The following SCHIP1 variants were observed in gnomAD, a reference collection of about 807,000 sequenced individuals.
SCHIP1 encodes the protein schwannomin-interacting protein 1.
In SCHIP1, 8 loss-of-function variants were observed where a neutral mutation model predicts 29.7. That is an observed-to-expected ratio of 0.27 (90% CI 0.16 to 0.49). The LOEUF (loss-of-function observed/expected upper bound fraction) is 0.49. Ranked by LOEUF, SCHIP1 falls within the 20% of genes least tolerant of loss-of-function variation. SCHIP1 has a pLI of 0.99. For missense variants in SCHIP1, 193 were observed against 294.6 expected (o/e 0.66, Z 2.52); for synonymous variants, 76 against 94.9 (o/e 0.80, Z 1.16).
chr3:159,415,938 G>A, the SCHIP1 span, among the ~76,000 whole-genome samples: 1 of 152,126 alleles, frequency 6.6e-6, no homozygotes, highest in Non-Finnish European at 1.5e-5. Context: ...ACATGCCGAA[G>A]ATCTACTTTT....
the SCHIP1 span, among the ~76,000 whole-genome samples, chr3:159,827,240 G>A: frequency 1.2e-4 from 19 of 152,078 alleles, no homozygotes; most frequent in African/African-American, 3.4e-4. Context: ...TGCTTAACTC[G>A]CCCTAGAAAA....
chr3:159,396,429 AT>A, the SCHIP1 span, among the ~76,000 whole-genome samples: 1 of 146,794 alleles, frequency 6.8e-6, no homozygotes, highest in Non-Finnish European at 1.5e-5. Context: ...TGGTCTTTAC[AT>A]TTTGGCATGA....
the SCHIP1 span, among the ~76,000 whole-genome samples, chr3:159,334,290 G>A: frequency 6.6e-6 from 1 of 152,152 alleles, no homozygotes. Context: ...ACAAGGGAGA[G>A]GCGATGAAGA....
chr3:159,557,966 G>T, the SCHIP1 span, among the ~76,000 whole-genome samples: 2 of 152,214 alleles, frequency 1.3e-5, no homozygotes, highest in Admixed American at 6.5e-5. Flanking sequence ...AGATACGAAG[G>T]CTGTTATGAA....
chr3:159,750,263 G>GTGTATATATA, the SCHIP1 span, among the ~76,000 whole-genome samples: 9 of 25,080 alleles, frequency 3.6e-4, no homozygotes, highest in African/African-American at 9.3e-4. Context: ...ATGTGTGTGT[G>GTGTATATATA]TATATATATA....
At chr3:159,435,099 T>C in the SCHIP1 span, among the ~76,000 whole-genome samples, 2 of 152,134 alleles carry the variant, frequency 1.3e-5, no homozygotes, top group Non-Finnish European at 2.9e-5. Context: ...AACAGAAATA[T>C]TAGGAGTCAA....
chr3:159,371,489 G>A, the SCHIP1 span, among the ~76,000 whole-genome samples: 1 of 152,162 alleles, frequency 6.6e-6, no homozygotes, highest in Non-Finnish European at 1.5e-5. Context: ...AGAGAGGTCT[G>A]TATAAAGGGA....
the SCHIP1 span, among the ~76,000 whole-genome samples, chr3:159,740,523 G>C: frequency 6.6e-6 from 1 of 152,016 alleles, no homozygotes; most frequent in Non-Finnish European, 1.5e-5. Context: ...GGAGAAGAGA[G>C]ACAGAAAGGA....
At chr3:159,793,106 A>G in the SCHIP1 span, among the ~76,000 whole-genome samples, 1 of 152,156 alleles carries the variant, frequency 6.6e-6, no homozygotes, top group Non-Finnish European at 1.5e-5. Flanking sequence ...ATGCGACAGG[A>G]TTCTTAGCCC....
chr3:159,628,932 C>T, the SCHIP1 span, among the ~76,000 whole-genome samples: 1 of 151,712 alleles, frequency 6.6e-6, no homozygotes, highest in Non-Finnish European at 1.5e-5. Context: ...TAGACAAAGC[C>T]CACTCTTTAA....
chr3:159,572,141 C>G, the SCHIP1 span, among the ~76,000 whole-genome samples: 1 of 152,026 alleles, frequency 6.6e-6, no homozygotes, highest in East Asian at 1.9e-4. Flanking sequence ...CTGCTCTGAT[C>G]TTAGTTATTT....
At chr3:159,731,319 C>T in the SCHIP1 span, among the ~76,000 whole-genome samples, 1 of 152,212 alleles carries the variant, frequency 6.6e-6, no homozygotes, top group Non-Finnish European at 1.5e-5. Context: ...GACAGCTTTG[C>T]ATTTGAATAT....
the SCHIP1 span, among the ~76,000 whole-genome samples, chr3:159,403,515 G>A: frequency 3.9e-4 from 59 of 152,280 alleles, no homozygotes; most frequent in African/African-American, 1.2e-3. Flanking sequence ...GAGGGACTTC[G>A]CATTGGAACT....
chr3:159,650,362 G>A, the SCHIP1 span, among the ~76,000 whole-genome samples: 1 of 152,182 alleles, frequency 6.6e-6, no homozygotes, highest in Non-Finnish European at 1.5e-5. Context: ...TTTAGAAATA[G>A]CACAGAATAT....
At chr3:159,883,567 T>G (rs1233519515) in intron 2 of SCHIP1, among the ~76,000 whole-genome samples, 2 of 152,206 alleles carry the variant, frequency 1.3e-5, no homozygotes, top group Non-Finnish European at 2.9e-5. Context: ...GACTTCATCT[T>G]AAAACCCGCT....
At chr3:159,420,768 C>T in the SCHIP1 span, among the ~76,000 whole-genome samples, 1 of 152,076 alleles carries the variant, frequency 6.6e-6, no homozygotes, top group Non-Finnish European at 1.5e-5. Flanking sequence ...TTTCATAACC[C>T]CAGGAAGCTA....
At chr3:159,417,843 A>G in the SCHIP1 span, among the ~76,000 whole-genome samples, 1 of 152,336 alleles carries the variant, frequency 6.6e-6, no homozygotes, top group South Asian at 2.1e-4. Context: ...CTCTACTGCC[A>G]TATTAAGAAT....
chr3:159,466,880 A>G, the SCHIP1 span, among the ~76,000 whole-genome samples: 1 of 152,148 alleles, frequency 6.6e-6, no homozygotes, highest in African/African-American at 2.4e-5. Context: ...CCAAGTTTTA[A>G]AAGTATCTTT....
At chr3:159,342,464 C>T in the SCHIP1 span, among the ~76,000 whole-genome samples, 1 of 152,184 alleles carries the variant, frequency 6.6e-6, no homozygotes, top group African/African-American at 2.4e-5. Flanking sequence ...AAAATAAACA[C>T]TGTCTGACAT....
Sources: allele counts gnomAD v4.1 joint callset (sites outside exome capture counted in the v4.1 genomes callset), GRCh38; gene constraint gnomAD v4.1.1; transcripts MANE v1.5; gene names NCBI Gene and HGNC (gene_info 2026-07-23, HGNC 2026-07-21).